The following ATG10 variants were observed in gnomAD, a reference collection of about 807,000 sequenced individuals.
The protein encoded by ATG10 is autophagy related 10.
ATG10 carries 30 observed loss-of-function variants against 32.1 expected under a neutral mutation model. That is an observed-to-expected ratio of 0.94 (90% CI 0.70 to 1.27). The LOEUF (loss-of-function observed/expected upper bound fraction) is 1.27, where lower values mean the gene tolerates loss of function less well. ATG10 is among the 50% of genes most tolerant of loss of function. ATG10 has a pLI of 0.00. For missense variants in ATG10, 233 were observed against 262.3 expected (o/e 0.89, Z 0.77); for synonymous variants, 87 against 91.5 (o/e 0.95, Z 0.28).
chr5:82,143,224 A>C (rs1767220864), intron 3 of ATG10, among the ~76,000 whole-genome samples: 1 of 152,246 alleles, frequency 6.6e-6, no homozygotes, highest in Non-Finnish European at 1.5e-5. Flanking sequence ...CATCTATGCC[A>C]AAGTTTTTAT....
At chr5:82,084,428 A>G (rs1208341112) in intron 3 of ATG10, among the ~76,000 whole-genome samples, 4 of 152,250 alleles carry the variant, frequency 2.6e-5, no homozygotes, top group African/African-American at 9.6e-5. Context: ...ATCCAGGAGA[A>G]CTTCCCCAAC....
At chr5:82,069,983 G>T (rs549171134) in intron 3 of ATG10, among the ~76,000 whole-genome samples, 1 of 152,176 alleles carries the variant, frequency 6.6e-6, no homozygotes, top group African/African-American at 2.4e-5. Flanking sequence ...TGGTGCCTGC[G>T]AATTTGCTGT....
At chr5:82,238,102 C>G (rs775841825) in intron 5 of ATG10, among the ~76,000 whole-genome samples, 2 of 152,154 alleles carry the variant, frequency 1.3e-5, no homozygotes, top group African/African-American at 4.8e-5. Flanking sequence ...CGAAGTTTTC[C>G]TTTATTTTAC....
intron 3 of ATG10, among the ~76,000 whole-genome samples, chr5:82,122,295 A>C (rs1233495504): frequency 2.0e-5 from 3 of 152,322 alleles, no homozygotes; most frequent in African/African-American, 7.2e-5. Flanking sequence ...TGATGCTAGG[A>C]TAATTGGCTA....
chr5:82,224,911 G>T (rs1025351336), intron 5 of ATG10, among the ~76,000 whole-genome samples: 2 of 152,170 alleles, frequency 1.3e-5, no homozygotes, highest in African/African-American at 4.8e-5. Context: ...AAAGATTGGG[G>T]TGTCTGCCTC....
chr5:82,220,058 G>A lies in ATG10; in HGVS notation c.454-32504G>A, dbSNP rs150750361. On this transcript the variant is annotated intron_variant, in intron 5 of 7. Coordinates refer to ENST00000282185, the MANE Select transcript of ATG10 (RefSeq NM_031482.5). ...GAACAAGTGCAGTTTTTCTGCCTGG[G>A]AGAATAAGCAAAGGCCTCATAGATG... Among the ~76,000 whole-genome samples the A allele has an allele frequency of 4.4e-3, 677 of 152,296 alleles. 4 individuals are homozygous for A. Among genetic ancestry groups the A allele is most frequent in the Middle Eastern group, 0.014 (4 of 294 alleles).
intron 2 of ATG10, among the ~76,000 whole-genome samples, chr5:81,988,198 A>G (rs569716265): frequency 1.3e-5 from 2 of 152,192 alleles, no homozygotes; most frequent in African/African-American, 4.8e-5. Context: ...GTGCAGTGGC[A>G]TGATCTTGGC....
intron 3 of ATG10, among the ~76,000 whole-genome samples, chr5:82,124,217 A>G (rs1277128821): frequency 1.3e-5 from 2 of 150,754 alleles, no homozygotes; most frequent in Non-Finnish European, 3.0e-5. Flanking sequence ...GTTAGCCAGG[A>G]TGGTCTCGAT....
chr5:82,147,260 C>T, intron 3 of ATG10: 1 of 232,332 alleles, frequency 4.3e-6, no homozygotes, highest in South Asian at 4.0e-5. Context: ...CCTCCGCCTT[C>T]TGGGTTCAAG....
chr5:82,020,936 AT>A lies in ATG10; in HGVS notation c.108+33259del, dbSNP rs139464245. Among the ~76,000 whole-genome samples, 846 of 152,304 alleles carry A rather than the reference AT, an allele frequency of 5.6e-3. 2 individuals are homozygous for A. Among genetic ancestry groups the A allele is most frequent in the Non-Finnish European group, 9.2e-3 (625 of 68,010 alleles). On this transcript the variant is annotated intron_variant, in intron 2 of 7. Transcript: ENST00000282185. ...ATGTTAAGGACAATTACTGGAAAAA[AT>A]AAAACCATTTCATGTTTGTACTCTG...
At chr5:82,088,588 GTC>G (rs1764768789) in intron 3 of ATG10, among the ~76,000 whole-genome samples, 1 of 152,186 alleles carries the variant, frequency 6.6e-6, no homozygotes, top group Admixed American at 6.5e-5. Flanking sequence ...CTGTAGGTGA[GTC>G]TCTTACCTCA....
chr5:82,117,747 C>A (rs112919110), intron 3 of ATG10, among the ~76,000 whole-genome samples: 1 of 151,858 alleles, frequency 6.6e-6, no homozygotes, highest in Admixed American at 6.6e-5. Flanking sequence ...GGAAGATCTC[C>A]GAGAATGAAG....
intron 4 of ATG10, among the ~76,000 whole-genome samples, chr5:82,175,325 T>C (rs1019333515): frequency 6.6e-6 from 1 of 152,202 alleles, no homozygotes; most frequent in Non-Finnish European, 1.5e-5. Context: ...AGCCACATTT[T>C]TGTAAAGATG....
At chr5:81,988,217 A>G (rs112641718) in intron 2 of ATG10, among the ~76,000 whole-genome samples, 71 of 152,020 alleles carry the variant, frequency 4.7e-4, no homozygotes, top group African/African-American at 1.5e-3. Context: ...GCTCACTGCA[A>G]CCTCTGCCTT....
intron 3 of ATG10, among the ~76,000 whole-genome samples, chr5:82,116,248 T>A (rs1407856501): frequency 6.6e-6 from 1 of 152,080 alleles, no homozygotes; most frequent in Non-Finnish European, 1.5e-5. Context: ...TTGAATTAGG[T>A]CCCATAAGGA....
intron 3 of ATG10, among the ~76,000 whole-genome samples, chr5:82,110,969 A>G (rs897167093): frequency 4.6e-5 from 7 of 152,040 alleles, no homozygotes; most frequent in Non-Finnish European, 8.8e-5. Flanking sequence ...GATATGGTAG[A>G]AGATCTGTCT....
At chr5:82,230,490 T>C (rs1746315470) in intron 5 of ATG10, among the ~76,000 whole-genome samples, 2 of 152,022 alleles carry the variant, frequency 1.3e-5, no homozygotes, top group Admixed American at 1.3e-4. Flanking sequence ...TCCCAGCACT[T>C]TGGGATGCCG....
intron 5 of ATG10, among the ~76,000 whole-genome samples, chr5:82,216,387 C>T (rs1009562300): frequency 6.6e-6 from 1 of 152,124 alleles, no homozygotes; most frequent in Non-Finnish European, 1.5e-5. Flanking sequence ...CTTTTTCATA[C>T]CCAGACCAGA....
chr5:82,039,085 G>T (rs972061425), intron 2 of ATG10, among the ~76,000 whole-genome samples: 18 of 152,128 alleles, frequency 1.2e-4, no homozygotes, highest in African/African-American at 4.3e-4. Flanking sequence ...GCCTCAAGCA[G>T]TCCTCCCACC....
Sources: allele counts gnomAD v4.1 joint callset (sites outside exome capture counted in the v4.1 genomes callset), GRCh38; gene constraint gnomAD v4.1.1; transcripts MANE v1.5; gene names NCBI Gene and HGNC (gene_info 2026-07-23, HGNC 2026-07-21).